The following COL4A3 variants were observed in gnomAD, a reference collection of about 807,000 sequenced individuals.
The protein encoded by COL4A3 is collagen alpha-3(IV) chain.
In COL4A3, 135 loss-of-function variants were observed where a neutral mutation model predicts 217.4. The ratio of observed to expected loss-of-function variants is 0.62; its 90% CI spans 0.54 to 0.72. COL4A3 has a LOEUF of 0.72. COL4A3 is among the 30% of genes least tolerant of loss of function. The pLI is 0.00. For missense variants in COL4A3, 1,868 were observed against 2,119.9 expected, an observed-to-expected ratio of 0.88 and a Z score of 2.33; for synonymous variants, 690 against 736.3, an observed-to-expected ratio of 0.94 and a Z score of 1.02.
intron 22 of COL4A3, 132 bp downstream of exon 22, chr2:227,266,641 A>G (rs2070910242): frequency 5.3e-6 from 4 of 751,068 alleles, no homozygotes; most frequent in Middle Eastern, 2.7e-4. Flanking sequence ...CCATTAGCTA[A>G]AAGTATTCAT....
At chr2:227,276,713 T>C (rs181712778) in intron 27 of COL4A3, among the ~76,000 whole-genome samples, 16 of 152,356 alleles carry the variant, frequency 1.1e-4, no homozygotes, top group African/African-American at 3.4e-4. Context: ...GAGGAGAACC[T>C]ATGTAACTAC....
chr2:227,165,649 G>A (rs2065232115), intron 1 of COL4A3, among the ~76,000 whole-genome samples: 1 of 152,054 alleles, frequency 6.6e-6, no homozygotes, highest in African/African-American at 2.4e-5. Context: ...GTGATAACGT[G>A]GCATAGGAAA....
chr2:227,199,641 C>T (rs1044099432), intron 1 of COL4A3, among the ~76,000 whole-genome samples: 1 of 152,160 alleles, frequency 6.6e-6, no homozygotes, highest in African/African-American at 2.4e-5. Flanking sequence ...TCGTCCATAA[C>T]CCACAGGCAT....
chr2:227,240,798 C>T (rs1268195035), intron 3 of COL4A3, among the ~76,000 whole-genome samples: 1 of 152,196 alleles, frequency 6.6e-6, no homozygotes, highest in African/African-American at 2.4e-5. Context: ...AAACATGCTG[C>T]CTGTAGTTCA....
At chr2:227,292,077 G>T (rs2072778019) in intron 37 of COL4A3, among the ~76,000 whole-genome samples, 1 of 152,140 alleles carries the variant, frequency 6.6e-6, no homozygotes, top group South Asian at 2.1e-4. Context: ...GTAGGGTAGA[G>T]TCTATTTTTC....
chr2:227,303,313 C>T (rs1559918586), intron 44 of COL4A3, among the ~76,000 whole-genome samples: 1 of 152,060 alleles, frequency 6.6e-6, no homozygotes, highest in African/African-American at 2.4e-5. Context: ...CTCTCGGTAA[C>T]CTTCTTTTAT....
intron 1 of COL4A3, among the ~76,000 whole-genome samples, chr2:227,184,015 A>G (rs998157801): frequency 6.6e-6 from 1 of 152,130 alleles, no homozygotes; most frequent in Non-Finnish European, 1.5e-5. Flanking sequence ...CCCCCATGTC[A>G]TTCCAACAAA....
At chr2:227,266,344 T>G in intron 21 of COL4A3, 73 bp from the exon 22 acceptor site, 1 of 1,099,928 alleles carries the variant, frequency 9.1e-7, no homozygotes, top group Non-Finnish European at 1.4e-6. Flanking sequence ...TTTTAAATAA[T>G]ACATATATTA....
Position 227,279,850 on chromosome 2 carries a change from A to G in COL4A3, c.2183A>G (p.Glu728Gly). Residue 728 changes from glutamate (E) to glycine (G), a missense_variant, in exon 29 of 52, where the codon GAG (glutamate) becomes GGG (glycine). Coordinates refer to ENST00000396578, the MANE Select transcript of COL4A3 (RefSeq NM_000091.5). ...GSLGCPGKMG[E>G]PGLPGKPGLP... is the part of the protein sequence containing the mutation. Reference sequence around the variant, plus strand: ...CTGGGTTGTCCTGGAAAAATGGGAGAGCCTGGGTTACCTGGAAAGCCAGGC... The same window carrying G: ...CTGGGTTGTCCTGGAAAAATGGGAGGGCCTGGGTTACCTGGAAAGCCAGGC... 6.2e-7 allele frequency: 1 copy of G among 1,610,130 alleles called. No individual in the cohort carries two copies. The highest frequency in any genetic ancestry group is 1.1e-5 in the South Asian group (1 of 89,870).
intron 1 of COL4A3, among the ~76,000 whole-genome samples, chr2:227,205,986 G>A (rs12463994): frequency 0.047 from 7,204 of 152,258 alleles, 308 homozygotes; most frequent in Middle Eastern, 0.065. Flanking sequence ...AAAATCATCT[G>A]GGAAACTTGC....
At chr2:227,186,574 C>T (rs909220321) in intron 1 of COL4A3, among the ~76,000 whole-genome samples, 1 of 152,158 alleles carries the variant, frequency 6.6e-6, no homozygotes, top group Non-Finnish European at 1.5e-5. Context: ...AAGTTCTTCC[C>T]TTAGGCCAAC....
intron 7 of COL4A3, 89 bp from the exon 8 acceptor site, chr2:227,247,469 T>A: frequency 8.3e-7 from 1 of 1,209,898 alleles, no homozygotes; most frequent in Non-Finnish European, 1.2e-6. Context: ...GGGGAGAGGA[T>A]ACACAATAGC....
In COL4A3 at chr2:227,310,888, A is replaced by G; in HGVS notation, c.4868A>G (p.Asn1623Ser). 2 of 1,614,154 alleles carry G rather than the reference A, an allele frequency of 1.2e-6. No homozygotes were observed. The highest frequency in any genetic ancestry group is 4.5e-5 in the East Asian group (2 of 44,876). ...GAATGTCATGGAAGAGGAACGTGCA[A>G]CTACTATTCAAATTCCTACAGTTTC... Reference protein sequence around the residue: ...FLECHGRGTCNYYSNSYSFWL... With the variant: ...FLECHGRGTCSYYSNSYSFWL... Residue 1623 changes from asparagine (N) to serine (S), a missense_variant, in exon 51 of 52, where the codon AAC becomes AGC. Around this residue, in one of 2 missense-constraint regions of COL4A3, gnomAD observed 1,503 missense variants for 1,786.1 expected, o/e 0.84. Coordinates refer to ENST00000396578, the MANE Select transcript of COL4A3 (RefSeq NM_000091.5).
At chr2:227,192,780 C>T (rs561365523) in intron 1 of COL4A3, among the ~76,000 whole-genome samples, 3 of 152,146 alleles carry the variant, frequency 2.0e-5, no homozygotes, top group African/African-American at 7.2e-5. Flanking sequence ...CTTGACGAAT[C>T]GAGTCAACCC....
intron 1 of COL4A3, among the ~76,000 whole-genome samples, chr2:227,210,619 C>A (rs987210620): frequency 6.6e-6 from 1 of 150,610 alleles, no homozygotes; most frequent in Non-Finnish European, 1.5e-5. Context: ...AAAATAAACA[C>A]CCAAGTACAC....
At position 227,312,071 on chromosome 2, in the gene COL4A3, T is replaced by G; in HGVS notation, c.*201T>G. On this transcript the variant is annotated 3_prime_UTR_variant, in exon 52 of 52. Transcript: ENST00000396578. Reference sequence around the variant, plus strand: ...GATCTGGGTCTCTAATCTGTGCTGTTTCAAAGTTCTCTGTGGCAAAGCAGC... The same window carrying G: ...GATCTGGGTCTCTAATCTGTGCTGTGTCAAAGTTCTCTGTGGCAAAGCAGC... The G allele has an allele frequency of 1.1e-6, 1 of 905,062 alleles. No individual in the cohort carries two copies. 56.1% of individuals were successfully genotyped at this position (905,062 alleles called of 1,614,324 possible). A position where few individuals can be genotyped will look rare whatever the true frequency, so the allele number is the denominator to read the frequency against.
intron 1 of COL4A3, among the ~76,000 whole-genome samples, chr2:227,179,672 G>T (rs56884177): frequency 0.58 from 87,517 of 152,086 alleles, 26,513 homozygotes; most frequent in African/African-American, 0.78. Context: ...CATTCCACAA[G>T]GCAGCAAATA....
intron 1 of COL4A3, among the ~76,000 whole-genome samples, chr2:227,214,305 GTTATTC>G (rs2067443593): frequency 6.6e-6 from 1 of 152,158 alleles, no homozygotes; most frequent in African/African-American, 2.4e-5. Flanking sequence ...TCATTGTTGA[GTTATTC>G]TTAGATAGCC....
intron 1 of COL4A3, among the ~76,000 whole-genome samples, chr2:227,235,994 G>A (rs187560792): frequency 1.3e-5 from 2 of 148,208 alleles, no homozygotes; most frequent in Admixed American, 1.3e-4. Flanking sequence ...GGCTAGTCTC[G>A]AACTCCTGAC....
Sources: gnomAD v4.1 joint callset for allele counts (sites outside exome capture counted in the v4.1 genomes callset) on GRCh38, gnomAD v4.1.1 for gene constraint, gnomAD v4.1.1 regional missense constraint, MANE v1.5 for transcripts, NCBI Gene and HGNC (gene_info 2026-07-23, HGNC 2026-07-21) for gene names.